Variants in ADAM12 observed in about 807,000 individuals in gnomAD.
ADAM12 encodes the protein disintegrin and metalloproteinase domain-containing protein 12.
ADAM12 carries 70 observed loss-of-function variants against 106.4 expected under a neutral mutation model. The ratio of observed to expected loss-of-function variants is 0.66; its 90% CI spans 0.54 to 0.80. The LOEUF is 0.80. Among genes scored for constraint, ADAM12 ranks in the 30% least tolerant of loss-of-function variants. The pLI, the probability that ADAM12 is intolerant of heterozygous loss-of-function variation, is 0.00. For synonymous variants in ADAM12, 420 were observed against 433.5 expected, an observed-to-expected ratio of 0.97 and a Z score of 0.39; for missense variants, 1,010 against 1,171.9, an observed-to-expected ratio of 0.86 and a Z score of 2.02.
intron 4 of ADAM12, among the ~76,000 whole-genome samples, chr10:126,149,838 G>C (rs11244845): frequency 6.6e-6 from 1 of 151,944 alleles, no homozygotes; most frequent in Non-Finnish European, 1.5e-5. Flanking sequence ...TTGGGACTTG[G>C]ATTGGCTTCC....
At chr10:126,336,333 G>A (rs1197553870) in intron 1 of ADAM12, among the ~76,000 whole-genome samples, 3 of 152,090 alleles carry the variant, frequency 2.0e-5, no homozygotes, top group Non-Finnish European at 4.4e-5. Flanking sequence ...TGTCATTCTG[G>A]AGCAGTTCAG....
chr10:126,159,105 C>G (rs898173092), intron 3 of ADAM12, among the ~76,000 whole-genome samples: 3 of 151,980 alleles, frequency 2.0e-5, no homozygotes, highest in Admixed American at 6.6e-5. Context: ...GTCAGGAGAT[C>G]GAGACCATTC....
At chr10:126,125,459 G>A (rs1956189814) in intron 5 of ADAM12, among the ~76,000 whole-genome samples, 1 of 151,682 alleles carries the variant, frequency 6.6e-6, no homozygotes, top group Non-Finnish European at 1.5e-5. Flanking sequence ...TGGCCAGGAG[G>A]GTCTCGATTT....
intron 14 of ADAM12, among the ~76,000 whole-genome samples, chr10:126,050,504 T>G (rs1452515709): frequency 6.6e-6 from 1 of 152,210 alleles, no homozygotes; most frequent in African/African-American, 2.4e-5. Flanking sequence ...CCCTTTTCTC[T>G]CCCTGATTGG....
chr10:126,229,806 G>A (rs76172331), intron 3 of ADAM12, among the ~76,000 whole-genome samples: 11,260 of 152,116 alleles, frequency 0.074, 504 homozygotes, highest in East Asian at 0.13. Context: ...GCTCTGCCCC[G>A]TATTCCAGTA....
At chr10:126,046,879 C>T (rs1954339815) in intron 16 of ADAM12, among the ~76,000 whole-genome samples, 1 of 143,834 alleles carries the variant, frequency 7.0e-6, no homozygotes, top group Non-Finnish European at 1.5e-5. Context: ...CCTGGATAGA[C>T]ATAGATGGAG....
chr10:126,142,371 T>C (rs773184219), intron 4 of ADAM12, among the ~76,000 whole-genome samples: 2 of 152,160 alleles, frequency 1.3e-5, no homozygotes, highest in Non-Finnish European at 2.9e-5. Flanking sequence ...AAGTATTCCT[T>C]ATGGGAAATG....
intron 1 of ADAM12, among the ~76,000 whole-genome samples, chr10:126,376,235 T>C (rs1856289730): frequency 6.6e-6 from 1 of 152,194 alleles, no homozygotes; most frequent in Non-Finnish European, 1.5e-5. Context: ...AACACCTACC[T>C]ATGATTTGAA....
intron 2 of ADAM12, among the ~76,000 whole-genome samples, chr10:126,326,843 C>A (rs957703402): frequency 2.0e-5 from 3 of 152,178 alleles, no homozygotes; most frequent in Non-Finnish European, 4.4e-5. Flanking sequence ...CCCTTCATGT[C>A]ATTTAGGTCA....
chr10:126,277,500 G>C (rs528606938), intron 3 of ADAM12, among the ~76,000 whole-genome samples: 1 of 151,994 alleles, frequency 6.6e-6, no homozygotes, highest in East Asian at 1.9e-4. Context: ...GATCTTTCAG[G>C]GAATGCCTAG....
At chr10:126,363,810 C>T (rs12265721) in intron 1 of ADAM12, among the ~76,000 whole-genome samples, 3 of 152,116 alleles carry the variant, frequency 2.0e-5, no homozygotes, top group South Asian at 4.1e-4. Flanking sequence ...GACACATGAG[C>T]GAAAGATGGG....
At chr10:126,293,017 T>C (rs1960223053) in intron 2 of ADAM12, among the ~76,000 whole-genome samples, 1 of 152,240 alleles carries the variant, frequency 6.6e-6, no homozygotes, top group African/African-American at 2.4e-5. Context: ...CAGGTGATGC[T>C]GATGCTGCTG....
intron 8 of ADAM12, among the ~76,000 whole-genome samples, chr10:126,103,863 G>A (rs1192114147): frequency 6.6e-6 from 1 of 152,222 alleles, no homozygotes; most frequent in Non-Finnish European, 1.5e-5. Context: ...GGCCGGCAGT[G>A]GCAGAGAGAG....
At chr10:126,072,118 C>T (rs779997576) in intron 11 of ADAM12, among the ~76,000 whole-genome samples, 2 of 152,088 alleles carry the variant, frequency 1.3e-5, no homozygotes, top group Admixed American at 6.5e-5. Flanking sequence ...CACATGGTTC[C>T]ACTGTAGGGC....
At chr10:126,240,783 G>A (rs1238089084) in intron 3 of ADAM12, among the ~76,000 whole-genome samples, 42 of 152,194 alleles carry the variant, frequency 2.8e-4, no homozygotes, top group Non-Finnish European at 7.3e-5. Context: ...CCGATAGCAG[G>A]GCACGCCGGC....
In ADAM12 at chr10:126,164,971, T is replaced by C. The variant is rs565847245; in HGVS notation, c.261-9666A>G. Among the ~76,000 whole-genome samples the C allele has an allele frequency of 1.4e-4, 22 of 152,310 alleles. No individual in the cohort carries two copies. In the East Asian group the frequency reaches 4.0e-3, roughly 28 times the overall value. On this transcript the variant is annotated intron_variant, in intron 3 of 22. Transcript: ENST00000448723. ...TTTGCTCAAACTTCTTTCAGAACCT[T>C]GTCTTTGCAAATATTTATGCTTCTT...
chr10:126,366,382 C>T (rs990331053), intron 1 of ADAM12, among the ~76,000 whole-genome samples: 6 of 152,032 alleles, frequency 3.9e-5, no homozygotes, highest in South Asian at 2.1e-4. Flanking sequence ...CTTTCTATAA[C>T]TCTCTAAGTT....
chr10:126,277,607 T>A (rs565361584), intron 3 of ADAM12, among the ~76,000 whole-genome samples: 1 of 152,356 alleles, frequency 6.6e-6, no homozygotes, highest in East Asian at 1.9e-4. Context: ...TATGAAAATA[T>A]GTACTTTGCT....
intron 2 of ADAM12, among the ~76,000 whole-genome samples, chr10:126,322,231 G>A (rs963551227): frequency 6.6e-6 from 1 of 152,198 alleles, no homozygotes; most frequent in African/African-American, 2.4e-5. Flanking sequence ...CAGCCCAGTT[G>A]AGTCGCTTCA....
Sources: allele counts gnomAD v4.1 joint callset (sites outside exome capture counted in the v4.1 genomes callset), GRCh38; gene constraint gnomAD v4.1.1; transcripts MANE v1.5; gene names NCBI Gene and HGNC (gene_info 2026-07-23, HGNC 2026-07-21).